The following SLC31A1 variants were observed in gnomAD, a reference collection of about 807,000 sequenced individuals.
SLC31A1 encodes the protein high affinity copper uptake protein 1.
SLC31A1 carries 5 observed loss-of-function variants against 17.2 expected under a neutral mutation model. The observed-to-expected ratio is 0.29, with a 90% confidence interval of 0.15 to 0.61. SLC31A1 has a LOEUF of 0.61. Ranked by LOEUF, SLC31A1 falls within the 20% of genes least tolerant of loss-of-function variation. The probability of loss-of-function intolerance (pLI) is 0.86; values close to 1 mark genes in which losing one functional copy is unlikely to be tolerated. For synonymous variants in SLC31A1, 76 were observed against 78.8 expected (o/e 0.96, Z 0.19); for missense variants, 161 against 241.4 (o/e 0.67, Z 2.21).
intron 4 of SLC31A1, among the ~76,000 whole-genome samples, chr9:113,259,825 A>G (rs958495428): frequency 3.3e-5 from 5 of 152,082 alleles, no homozygotes; most frequent in African/African-American, 4.8e-5. Flanking sequence ...AGCTCAAGCA[A>G]TCAGCCCACC....
intron 1 of SLC31A1, among the ~76,000 whole-genome samples, chr9:113,234,214 T>G (rs1245635591): frequency 6.6e-6 from 1 of 152,002 alleles, no homozygotes; most frequent in African/African-American, 2.4e-5. Flanking sequence ...TTTTTTTTAT[T>G]TTTTGAGACT....
intron 1 of SLC31A1, among the ~76,000 whole-genome samples, chr9:113,224,721 C>T (rs1400761357): frequency 6.6e-6 from 1 of 152,226 alleles, no homozygotes; most frequent in Non-Finnish European, 1.5e-5. Flanking sequence ...GGCCAACGCA[C>T]CCGGCCTTGT....
Position 113,262,811 on chromosome 9 carries a change from C to G in SLC31A1, c.*2338C>G, listed in dbSNP as rs1459728318. On this transcript the variant is annotated 3_prime_UTR_variant, in exon 5 of 5. Transcript: ENST00000374212. ...AATAGTTAGTAGTGACATTGGTGCT[C>G]TCTAGAAATCTCAGCATGAGCTGCT... 6.6e-6 allele frequency: 1 copy of G among 152,634 alleles called. No homozygotes were observed. The highest frequency in any genetic ancestry group is 1.5e-5 in the Non-Finnish European group (1 of 68,046). 9.5% of individuals were successfully genotyped at this position (152,634 alleles called of 1,614,324 possible).
intron 1 of SLC31A1, among the ~76,000 whole-genome samples, chr9:113,249,356 GTTTT>G (rs555534321): frequency 7.1e-6 from 1 of 141,134 alleles, no homozygotes; most frequent in African/African-American, 2.6e-5. Flanking sequence ...ATCTTTCTTT[GTTTT>G]TTTTTTATTT....
chr9:113,238,224 C>T (rs1167467882), intron 1 of SLC31A1, among the ~76,000 whole-genome samples: 1 of 152,106 alleles, frequency 6.6e-6, no homozygotes, highest in Admixed American at 6.5e-5. Context: ...TTGGTTGTCA[C>T]AACTGGGGCA....
In SLC31A1 at chr9:113,256,277, G is replaced by A. The variant is rs1564219202; in HGVS notation, c.129G>A (p.Met43Ile). The A allele has an allele frequency of 8.7e-6, 14 of 1,613,932 alleles. No homozygotes were observed. Among genetic ancestry groups the A allele is most frequent in the Admixed American group, 1.7e-5 (1 of 60,004 alleles). Residue 43 changes from methionine to isoleucine, a missense_variant and splice_region_variant, in exon 2 of 5, where the codon ATG becomes ATA. By Grantham distance (10) the Met-to-Ile change is conservative. Transcript: ENST00000374212. ...GAGGAGACAGCAGCATGATGATGAT[G>A]GTGAGTGCCATAGGAGGGGCAATGC... Reference protein sequence around the residue: ...HGGGDSSMMMMPMTFYFGFKN... With the variant: ...HGGGDSSMMMIPMTFYFGFKN...
intron 1 of SLC31A1, among the ~76,000 whole-genome samples, chr9:113,226,419 A>G (rs1831343100): frequency 6.6e-6 from 1 of 152,188 alleles, no homozygotes; most frequent in Admixed American, 6.5e-5. Context: ...TTAATACATT[A>G]CAATGAACAG....
chr9:113,257,749 A>G (rs1831744662), intron 3 of SLC31A1, among the ~76,000 whole-genome samples: 1 of 151,948 alleles, frequency 6.6e-6, no homozygotes, highest in African/African-American at 2.4e-5. Context: ...CAGCCTCCCA[A>G]AGTGCTGGGA....
At chr9:113,234,969 C>A (rs6477998) in intron 1 of SLC31A1, among the ~76,000 whole-genome samples, 71,576 of 151,822 alleles carry the variant, frequency 0.47, 17,187 homozygotes, top group South Asian at 0.59. Context: ...CTTAGGATAA[C>A]AAATAAAGCA....
intron 1 of SLC31A1, among the ~76,000 whole-genome samples, chr9:113,232,766 C>T (rs1246528145): frequency 6.6e-6 from 1 of 151,544 alleles, no homozygotes; most frequent in African/African-American, 2.4e-5. Flanking sequence ...ATCACTTGAA[C>T]CCAGGAGGTG....
chr9:113,239,993 G>A (rs1030472866), intron 1 of SLC31A1, among the ~76,000 whole-genome samples: 10 of 152,012 alleles, frequency 6.6e-5, no homozygotes, highest in African/African-American at 2.2e-4. Flanking sequence ...TTCTTCTCTC[G>A]ACTCAGGAAG....
At chr9:113,239,536 T>C (rs2118995271) in intron 1 of SLC31A1, among the ~76,000 whole-genome samples, 1 of 152,328 alleles carries the variant, frequency 6.6e-6, no homozygotes, top group Middle Eastern at 3.4e-3. Flanking sequence ...TACCTTTAAA[T>C]AGCTTCCAAT....
At chr9:113,249,352 C>G (rs1212077888) in intron 1 of SLC31A1, among the ~76,000 whole-genome samples, 2 of 143,756 alleles carry the variant, frequency 1.4e-5, no homozygotes, top group African/African-American at 5.1e-5. Flanking sequence ...TCTAATCTTT[C>G]TTTGTTTTTT....
chr9:113,236,587 C>T (rs1305514923), intron 1 of SLC31A1, among the ~76,000 whole-genome samples: 5 of 152,056 alleles, frequency 3.3e-5, no homozygotes, highest in African/African-American at 1.2e-4. Flanking sequence ...TGGTTTCAAT[C>T]TCCTGACCTC....
intron 1 of SLC31A1, among the ~76,000 whole-genome samples, chr9:113,232,142 G>A (rs919235036): frequency 7.9e-5 from 12 of 152,020 alleles, no homozygotes; most frequent in African/African-American, 2.7e-4. Flanking sequence ...CAGTTCCTTC[G>A]TTATGTTTTT....
chr9:113,259,561 ATTT>A (rs995707719), intron 4 of SLC31A1, among the ~76,000 whole-genome samples: 1 of 133,382 alleles, frequency 7.5e-6, no homozygotes, highest in African/African-American at 2.8e-5. Flanking sequence ...CCTCAATTCT[ATTT>A]TTTTTTCTTT....
Position 113,251,698 on chromosome 9 carries a change from GA to G in SLC31A1, c.-35-4409del, listed in dbSNP as rs572923737. Among the ~76,000 whole-genome samples, 197 of 152,164 alleles carry G rather than the reference GA, an allele frequency of 1.3e-3. 1 individual carries two copies. Among genetic ancestry groups the G allele is most frequent in the Admixed American group, 3.3e-3 (50 of 15,290 alleles). On this transcript the variant is annotated intron_variant, in intron 1 of 4. Coordinates refer to ENST00000374212, the MANE Select transcript of SLC31A1 (RefSeq NM_001859.4). ...ATCACTGAAAATTTAAGTGGGAAGA[GA>G]AAAAAATATAATCACTTTTATTTAT...
intron 1 of SLC31A1, among the ~76,000 whole-genome samples, chr9:113,250,932 G>A (rs1164757083): frequency 6.6e-6 from 1 of 152,120 alleles, no homozygotes; most frequent in African/African-American, 2.4e-5. Context: ...AAGTGAGCCC[G>A]TGTCTCTTTG....
At chr9:113,246,616 G>T (rs1831582072) in intron 1 of SLC31A1, among the ~76,000 whole-genome samples, 1 of 152,156 alleles carries the variant, frequency 6.6e-6, no homozygotes, top group African/African-American at 2.4e-5. Flanking sequence ...CTCCCAAAGT[G>T]CTGGGATTAT....
Sources: allele counts gnomAD v4.1 joint callset (sites outside exome capture counted in the v4.1 genomes callset), GRCh38; gene constraint gnomAD v4.1.1; transcripts MANE v1.5; gene names NCBI Gene and HGNC (gene_info 2026-07-23, HGNC 2026-07-21).